The following CEP350 variants were observed in gnomAD, a reference collection of about 807,000 sequenced individuals.
CEP350 encodes centrosomal protein 350, also known as centrosome-associated protein 350.
Under a neutral mutation model 331.8 loss-of-function variants are expected in CEP350, and 126 were observed. The ratio of observed to expected loss-of-function variants is 0.38; its 90% CI spans 0.33 to 0.44. The LOEUF is 0.44. CEP350 is among the 20% of genes least tolerant of loss of function. The pLI, the probability that CEP350 is intolerant of heterozygous loss-of-function variation, is 1.00. For synonymous variants in CEP350, 1,200 were observed against 1,259.5 expected (o/e 0.95, Z 1.00); for missense variants, 3,406 against 3,634.6 (o/e 0.94, Z 1.62).
chr1:180,038,205 A>G (rs1571904720), intron 17 of CEP350, among the ~76,000 whole-genome samples: 1 of 152,148 alleles, frequency 6.6e-6, no homozygotes, highest in Non-Finnish European at 1.5e-5. Flanking sequence ...AGATTTATCC[A>G]TGTTGTTTTA....
At chr1:180,018,980 C>G (rs12069221) in intron 11 of CEP350, among the ~76,000 whole-genome samples, 4 of 152,058 alleles carry the variant, frequency 2.6e-5, no homozygotes, top group African/African-American at 9.7e-5. Context: ...CTTAACCTCC[C>G]AAGTAGCTGG....
At position 179,996,686 on chromosome 1, in the gene CEP350, C is replaced by T. The variant is rs1653478239; in HGVS notation, c.529C>T (p.Arg177Trp). 15 of 1,613,380 alleles carry T rather than the reference C, an allele frequency of 9.3e-6. No homozygotes were observed. The highest frequency in any genetic ancestry group is 2.2e-5 in the East Asian group (1 of 44,888). ...AGGCAGTCGAGAAGAACGGAATATA[C>T]GGAGCTGTGATTTTGAGAGCTCCCA... is the stretch of plus-strand genomic sequence containing the variant. ...MIGSREERNI[R>W]SCDFESSQSS... The change falls in exon 6 of 38, where the codon CGG (arginine) becomes TGG (tryptophan). Residue 177 changes from arginine (R) to tryptophan (W), a missense_variant. By Grantham distance (101) the Arg-to-Trp change is moderately radical. Transcript: ENST00000367607.
intron 34 of CEP350, 194 bp from the exon 35 acceptor site, chr1:180,095,329 A>T (rs1462233227): frequency 5.2e-6 from 3 of 572,286 alleles, no homozygotes; most frequent in Non-Finnish European, 8.5e-6. Flanking sequence ...TGCAAGGTTT[A>T]TATAAGTAGA....
At chr1:180,106,806 A>ATT (rs61212527) in intron 37 of CEP350, among the ~76,000 whole-genome samples, 1 of 145,828 alleles carries the variant, frequency 6.9e-6, no homozygotes, top group African/African-American at 2.5e-5. Flanking sequence ...ACAGTTTATG[A>ATT]TTTTTTTTTT....
rs778785732 is a variant in CEP350 at position 180,093,513 on chromosome 1, C to T, written c.7408C>T (p.Arg2470Cys). Residue 2470 changes from arginine to cysteine, a missense_variant, in exon 34 of 38, where the codon CGC (arginine) becomes TGC (cysteine). Coordinates refer to ENST00000367607, the MANE Select transcript of CEP350 (RefSeq NM_014810.5). ...TACTGAGCTGATGAAAAGTAAGGAG[C>T]GCAGTGATGTGGAGCATGAACAGCA... ...SPTELMKSKE[R>C]SDVEHEQQVT... is the part of the protein sequence containing the mutation. 48 of 1,612,520 alleles carry T rather than the reference C, an allele frequency of 3.0e-5. No homozygotes were observed. The highest frequency in any genetic ancestry group is 3.6e-5 in the Non-Finnish European group (42 of 1,179,136).
intron 1 of CEP350, among the ~76,000 whole-genome samples, chr1:179,968,332 CAA>C (rs397861084): frequency 8.9e-4 from 79 of 88,338 alleles, no homozygotes; most frequent in Admixed American, 9.1e-4. Flanking sequence ...ACTCTGTCTC[CAA>C]AAAAAAAAAA....
chr1:180,023,879 C>T (rs1655499041), intron 13 of CEP350, among the ~76,000 whole-genome samples: 2 of 151,630 alleles, frequency 1.3e-5, no homozygotes, highest in Non-Finnish European at 2.9e-5. Context: ...TAATCTTATA[C>T]AAATTAGTTA....
chr1:179,971,951 G>A (rs528658809), intron 1 of CEP350, among the ~76,000 whole-genome samples: 1 of 152,006 alleles, frequency 6.6e-6, no homozygotes, highest in South Asian at 2.1e-4. Flanking sequence ...TTGAGAACTG[G>A]TAGTATAGAT....
intron 14 of CEP350, among the ~76,000 whole-genome samples, chr1:180,027,511 A>G: frequency 6.6e-6 from 1 of 152,060 alleles, no homozygotes; most frequent in African/African-American, 2.4e-5. Flanking sequence ...CAGCCTCCCA[A>G]GTAGCTGGGA....
chr1:180,006,059 G>A (rs1366461012), intron 7 of CEP350, among the ~76,000 whole-genome samples: 1 of 152,102 alleles, frequency 6.6e-6, no homozygotes, highest in African/African-American at 2.4e-5. Context: ...ATATTATATT[G>A]AGTATTTCGT....
At chr1:179,978,345 T>G (rs1007119795) in intron 1 of CEP350, among the ~76,000 whole-genome samples, 1 of 152,172 alleles carries the variant, frequency 6.6e-6, no homozygotes, top group Admixed American at 6.6e-5. Flanking sequence ...TCAGGGTGAT[T>G]AGCACATCCA....
At chr1:180,085,030 CCTTTCCT>C (rs897216976) in intron 31 of CEP350, among the ~76,000 whole-genome samples, 1 of 151,008 alleles carries the variant, frequency 6.6e-6, no homozygotes, top group African/African-American at 2.4e-5. Context: ...TTCCCTTCCC[CCTTTCCT>C]CTTTCCTCTT....
At position 180,022,844 on chromosome 1, in the gene CEP350, C is replaced by T. The variant is rs1221848422; in HGVS notation, c.3382C>T (p.Pro1128Ser). 3 of 1,578,072 alleles carry T rather than the reference C, an allele frequency of 1.9e-6. No homozygotes were observed. The highest frequency in any genetic ancestry group is 1.3e-5 in the African/African-American group (1 of 74,120). ...TSTEKKSTLE[P>S]HSTLSPQEDH... ...GACAGAAAAAAAATCAACTCTTGAA[C>T]CTCAGTAAGATATATTGGCAATATG... The change falls in exon 13 of 38, where the codon CCT becomes TCT. Residue 1128 changes from proline to serine, a missense_variant. Pro to Ser is a moderately conservative substitution (Grantham distance 74). Around this residue, in one of 5 missense-constraint regions of CEP350, gnomAD observed 1,857 missense variants for 1,909.2 expected, o/e 0.97. Coordinates refer to ENST00000367607, the MANE Select transcript of CEP350 (RefSeq NM_014810.5).
chr1:179,996,646 C>A lies in CEP350; in HGVS notation c.489C>A (p.Ser163Arg), dbSNP rs201442355. Residue 163 changes from serine to arginine, a missense_variant, in exon 6 of 38, where the codon AGC becomes AGA. Transcript: ENST00000367607. The stretch of plus-strand genomic sequence containing the variant: ...ATGTTAATGAAGAAAAGACTGAGAG[C>A]GGTAACTGGATGATAGGCAGTCGAG... The part of the protein sequence containing the change: ...CVDVNEEKTE[S>R]GNWMIGSREE... 3 of 1,612,154 alleles carry A rather than the reference C, an allele frequency of 1.9e-6. No individual in the cohort carries two copies. The highest frequency in any genetic ancestry group is 3.3e-5 in the Admixed American group (2 of 59,800).
intron 28 of CEP350, among the ~76,000 whole-genome samples, chr1:180,077,500 A>G (rs1659298835): frequency 6.6e-6 from 1 of 151,602 alleles, no homozygotes; most frequent in African/African-American, 2.4e-5. Context: ...ATGACCAAAC[A>G]CTGCCTCTAC....
chr1:180,068,690 C>T (rs537470260), intron 27 of CEP350, among the ~76,000 whole-genome samples: 1 of 152,224 alleles, frequency 6.6e-6, no homozygotes, highest in South Asian at 2.1e-4. Context: ...CATTTGTTAA[C>T]AGTAGCTTCT....
intron 8 of CEP350, among the ~76,000 whole-genome samples, chr1:180,010,835 C>G (rs1203991624): frequency 6.6e-6 from 1 of 152,088 alleles, no homozygotes; most frequent in African/African-American, 2.4e-5. Context: ...GATTCAAACT[C>G]CTGACCCCAA....
At chr1:180,108,391 T>C (rs764082836) in intron 37 of CEP350, among the ~76,000 whole-genome samples, 8 of 152,082 alleles carry the variant, frequency 5.3e-5, no homozygotes, top group Non-Finnish European at 1.0e-4. Context: ...CCCAGCACTT[T>C]GGAAGGCCAA....
chr1:180,095,013 G>A, intron 34 of CEP350: 1 of 184,926 alleles, frequency 5.4e-6, no homozygotes, highest in Non-Finnish European at 1.1e-5. Context: ...TTTTGCCTGT[G>A]AAATTGTTTA....
Sources: allele counts gnomAD v4.1 joint callset (sites outside exome capture counted in the v4.1 genomes callset), GRCh38; gene constraint gnomAD v4.1.1; regional missense constraint gnomAD v4.1.1; transcripts MANE v1.5; gene names NCBI Gene and HGNC (gene_info 2026-07-23, HGNC 2026-07-21).